The following DCC variants were observed in gnomAD, a reference collection of about 807,000 sequenced individuals.
DCC encodes the protein DCC netrin 1 receptor, also known as netrin receptor DCC.
DCC carries 58 observed loss-of-function variants against 172.5 expected under a neutral mutation model. The ratio of observed to expected loss-of-function variants is 0.34; its 90% CI spans 0.27 to 0.42. The LOEUF (loss-of-function observed/expected upper bound fraction) is 0.42. Ranked by LOEUF, DCC falls within the 10% of genes least tolerant of loss-of-function variation. The pLI, the probability that DCC is intolerant of heterozygous loss-of-function variation, is 1.00. For missense variants in DCC, 1,740 were observed against 1,791.0 expected (o/e 0.97, Z 0.51); for synonymous variants, 709 against 644.5 (o/e 1.10, Z -1.52).
chr18:53,277,142 C>G (rs969941047), intron 12 of DCC, among the ~76,000 whole-genome samples: 1 of 152,048 alleles, frequency 6.6e-6, no homozygotes, highest in African/African-American at 2.4e-5. Context: ...ATTTTAATTT[C>G]TCTAAGATTA....
chr18:52,528,872 T>C (rs1252333200), intron 1 of DCC, among the ~76,000 whole-genome samples: 1 of 152,128 alleles, frequency 6.6e-6, no homozygotes, highest in Admixed American at 6.6e-5. Context: ...TAGTCACCAA[T>C]ATTCCAGTTA....
At chr18:52,628,087 C>T (rs1167587617) in intron 1 of DCC, among the ~76,000 whole-genome samples, 1 of 152,182 alleles carries the variant, frequency 6.6e-6, no homozygotes, top group South Asian at 2.1e-4. Context: ...TTCCAATTCT[C>T]ATTCTCTATT....
At chr18:52,461,644 G>T (rs901989737) in intron 1 of DCC, among the ~76,000 whole-genome samples, 1 of 152,158 alleles carries the variant, frequency 6.6e-6, no homozygotes, top group Non-Finnish European at 1.5e-5. Context: ...TTCAGTTCTT[G>T]TATAACCTTA....
At chr18:52,359,837 G>T (rs1984541693) in intron 1 of DCC, among the ~76,000 whole-genome samples, 1 of 152,130 alleles carries the variant, frequency 6.6e-6, no homozygotes, top group African/African-American at 2.4e-5. Context: ...TTTCCTCACA[G>T]TTAAACAGTG....
chr18:53,442,519 G>T (rs144065085), intron 22 of DCC, among the ~76,000 whole-genome samples: 2 of 152,222 alleles, frequency 1.3e-5, no homozygotes, highest in South Asian at 2.1e-4. Context: ...CCCTTTTGGG[G>T]CTTCTCTATT....
At chr18:52,938,534 A>G (rs75816960) in intron 5 of DCC, among the ~76,000 whole-genome samples, 8,003 of 152,248 alleles carry the variant, frequency 0.053, 294 homozygotes, top group Middle Eastern at 0.11. Context: ...GAATCATAGT[A>G]TCATTATTTA....
intron 7 of DCC, among the ~76,000 whole-genome samples, chr18:53,105,186 G>A (rs981379617): frequency 3.9e-5 from 6 of 152,038 alleles, no homozygotes; most frequent in African/African-American, 1.2e-4. Context: ...GAAGAAATGT[G>A]TTCTTTCTGG....
chr18:52,688,223 T>C (rs1035759268), intron 1 of DCC, among the ~76,000 whole-genome samples: 1 of 151,990 alleles, frequency 6.6e-6, no homozygotes, highest in Admixed American at 6.6e-5. Flanking sequence ...TACTGAAAAG[T>C]GTAGATGTGC....
At chr18:52,378,367 A>G (rs911009633) in intron 1 of DCC, among the ~76,000 whole-genome samples, 6 of 152,196 alleles carry the variant, frequency 3.9e-5, no homozygotes, top group East Asian at 3.9e-4. Flanking sequence ...ACATAATGTC[A>G]TAACTTAAGC....
intron 15 of DCC, among the ~76,000 whole-genome samples, chr18:53,341,101 G>C (rs985665453): frequency 6.6e-6 from 1 of 152,142 alleles, no homozygotes; most frequent in Non-Finnish European, 1.5e-5. Context: ...TGAATGTAAA[G>C]GCAATCACAA....
intron 5 of DCC, among the ~76,000 whole-genome samples, chr18:52,973,301 G>GT (rs1598987017): frequency 2.0e-5 from 3 of 152,106 alleles, no homozygotes; most frequent in Non-Finnish European, 2.9e-5. Flanking sequence ...AAATGATAAA[G>GT]TTTTTTTAAC....
At chr18:52,846,782 G>C (rs945348195) in intron 2 of DCC, among the ~76,000 whole-genome samples, 7 of 152,114 alleles carry the variant, frequency 4.6e-5, no homozygotes, top group Admixed American at 2.6e-4. Flanking sequence ...ACTGGAAAAA[G>C]TAGTGGTGGA....
chr18:53,353,122 A>G (rs1477192932), intron 15 of DCC, among the ~76,000 whole-genome samples: 1 of 152,108 alleles, frequency 6.6e-6, no homozygotes, highest in Non-Finnish European at 1.5e-5. Context: ...TACTAAAAAT[A>G]CAAAATTAGC....
chr18:52,832,442 T>A (rs2038632318), intron 2 of DCC, among the ~76,000 whole-genome samples: 1 of 15,276 alleles, frequency 6.5e-5, no homozygotes, highest in Non-Finnish European at 2.6e-4. Flanking sequence ...TGCATGTACC[T>A]GTGCACCCTC....
chr18:52,729,845 G>A (rs2036609726), intron 1 of DCC, among the ~76,000 whole-genome samples: 1 of 152,022 alleles, frequency 6.6e-6, no homozygotes. Context: ...GACCTGGAAG[G>A]ATCTTAGAAA....
chr18:52,768,796 C>A (rs1035333686), intron 2 of DCC, among the ~76,000 whole-genome samples: 2 of 152,086 alleles, frequency 1.3e-5, no homozygotes, highest in African/African-American at 4.8e-5. Flanking sequence ...AATACGGCTA[C>A]CCTCTTTATA....
At chr18:52,746,709 A>C (rs2036910120) in intron 1 of DCC, among the ~76,000 whole-genome samples, 1 of 152,168 alleles carries the variant, frequency 6.6e-6, no homozygotes, top group Admixed American at 6.5e-5. Context: ...AATATTCTCT[A>C]TGTATAGATA....
At chr18:53,100,773 C>A (rs1055473588) in intron 7 of DCC, among the ~76,000 whole-genome samples, 3 of 151,936 alleles carry the variant, frequency 2.0e-5, no homozygotes, top group Non-Finnish European at 4.4e-5. Flanking sequence ...ACTCATATAT[C>A]TTGTGTAGTA....
intron 5 of DCC, among the ~76,000 whole-genome samples, chr18:53,004,301 C>T (rs1231864795): frequency 2.0e-5 from 3 of 152,110 alleles, no homozygotes; most frequent in Non-Finnish European, 2.9e-5. Flanking sequence ...TATCAGTTAC[C>T]ATTTGAAGGT....
Sources: gnomAD v4.1 joint callset for allele counts (sites outside exome capture counted in the v4.1 genomes callset) on GRCh38, gnomAD v4.1.1 for gene constraint, MANE v1.5 for transcripts, NCBI Gene and HGNC (gene_info 2026-07-23, HGNC 2026-07-21) for gene names.